Variants in PSMB6 observed in about 807,000 individuals in gnomAD.
The protein encoded by PSMB6 is proteasome 20S subunit beta 6.
In PSMB6, 11 loss-of-function variants were observed where a neutral mutation model predicts 28.2. That is an observed-to-expected ratio of 0.39 (90% CI 0.25 to 0.65). The LOEUF is 0.65. PSMB6 is among the 30% of genes least tolerant of loss of function. The probability of loss-of-function intolerance (pLI) is 0.48; values close to 1 mark genes in which losing one functional copy is unlikely to be tolerated. For missense variants in PSMB6, 268 were observed against 319.4 expected, an observed-to-expected ratio of 0.84 and a Z score of 1.23; for synonymous variants, 126 against 117.7, an observed-to-expected ratio of 1.07 and a Z score of -0.45.
intron 2 of PSMB6, 145 bp from the exon 3 acceptor site, chr17:4,797,293 C>A: frequency 9.7e-7 from 1 of 1,027,932 alleles, no homozygotes; most frequent in Non-Finnish European, 1.4e-6. Context: ...CCAGCCTGGG[C>A]AACAGAGCGA....
intron 2 of PSMB6, chr17:4,797,151 T>C (rs12942695): frequency 0.088 from 38,696 of 437,464 alleles, 2,187 homozygotes; most frequent in East Asian, 0.25. Context: ...CCGTCTCTAC[T>C]AAAAAATACA....
rs182638722 is a variant in PSMB6 at position 4,797,452 on chromosome 17, A to G, written c.185A>G (p.Asn62Ser). 12 of 1,573,394 alleles carry G rather than the reference A, an allele frequency of 7.6e-6. No homozygotes were observed. The highest frequency in any genetic ancestry group is 1.4e-5 in the African/African-American group (1 of 73,908). ...SRTTTGSYIA[N>S]RVTDKLTPIH... The stretch of plus-strand genomic sequence containing the variant: ...CCATCCTGCAGGTCCTACATCGCCA[A>G]TCGAGTGACTGACAAGCTGACACCT... The change falls in exon 3 of 6, where the codon AAT becomes AGT. Residue 62 changes from asparagine (N) to serine (S), a missense_variant. Transcript: ENST00000270586.
chr17:4,796,657 C>T (rs753131631), intron 1 of PSMB6, 71 bp from the exon 2 acceptor site: 1 of 1,376,424 alleles, frequency 7.3e-7, no homozygotes, highest in Non-Finnish European at 1.0e-6. Flanking sequence ...ATTTTTGGAA[C>T]TAGGTAGAGA....
chr17:4,798,239 G>A lies in PSMB6; in HGVS notation c.578-41G>A, dbSNP rs367733996. 43 of 1,612,322 alleles carry A rather than the reference G, an allele frequency of 2.7e-5. No homozygotes were observed. In the Admixed American group the frequency reaches 3.2e-4, roughly 12 times the overall value. On this transcript the variant is annotated intron_variant, in intron 5 of 5. Coordinates refer to ENST00000270586, the MANE Select transcript of PSMB6 (RefSeq NM_002798.3). ...ATTCCTCATTCCTTGCAGTGATCCC[G>A]GCATCTGAATCTGAACCCAGCTTTC...
chr17:4,796,211 T>C lies in PSMB6; in HGVS notation c.17T>C (p.Leu6Pro). Residue 6 changes from leucine (L) to proline (P), a missense_variant, in exon 1 of 6, where the codon CTA becomes CCA. Coordinates refer to ENST00000270586, the MANE Select transcript of PSMB6 (RefSeq NM_002798.3). ...AGGAGAAAGATGGCGGCTACCTTAC[T>C]AGCTGCTCGGGGAGCCGGGCCAGCA... MAATLLAARGAGPAPA... is the reference protein window; with the variant it reads MAATLPAARGAGPAPA... 1.3e-6 allele frequency: 2 copies of C among 1,588,698 alleles called. No individual in the cohort carries two copies. The highest frequency in any genetic ancestry group is 1.1e-5 in the South Asian group (1 of 87,138).
Position 4,796,314 on chromosome 17 carries a change from G to A in PSMB6, c.102+18G>A. On this transcript the variant is annotated intron_variant, in intron 1 of 5. Transcript: ENST00000270586. ...CCACTGGGGTGAGGAAGGAATCGGG[G>A]TTCATAGGACGTGCACAAGGCCTGA... is the stretch of plus-strand genomic sequence containing the variant. 1 of 1,547,730 alleles carries A rather than the reference G, an allele frequency of 6.5e-7. No homozygotes were observed. Among genetic ancestry groups the A allele is most frequent in the Non-Finnish European group, 8.8e-7 (1 of 1,140,942 alleles).
chr17:4,796,608 A>G (rs765615497), intron 1 of PSMB6, 120 bp from the exon 2 acceptor site: 256 of 990,152 alleles, frequency 2.6e-4, no homozygotes, highest in Non-Finnish European at 3.7e-4. Context: ...TGAGGCCCCT[A>G]TAAGATTTGA....
intron 1 of PSMB6, 126 bp from the exon 2 acceptor site, chr17:4,796,602 G>C: frequency 7.6e-6 from 7 of 922,236 alleles, no homozygotes; most frequent in Non-Finnish European, 1.3e-5. Flanking sequence ...GGGTGCTGAG[G>C]CCCCTATAAG....
chr17:4,798,469 A>G lies in PSMB6; in HGVS notation c.*47A>G. On this transcript the variant is annotated 3_prime_UTR_variant, in exon 6 of 6. Coordinates refer to ENST00000270586, the MANE Select transcript of PSMB6 (RefSeq NM_002798.3). ...ATAAGAGATGCCCTGTACTGATGCA[A>G]AATTTAATAAAGTTTGTCACAGAGA... is the stretch of plus-strand genomic sequence containing the variant. The G allele has an allele frequency of 6.5e-7, 1 of 1,549,758 alleles. No homozygotes were observed. Among genetic ancestry groups the G allele is most frequent in the Non-Finnish European group, 8.7e-7 (1 of 1,147,376 alleles).
rs564022351 is a variant in PSMB6, at chr17:4,796,442, A to G, written c.102+146A>G. On this transcript the variant is annotated intron_variant, in intron 1 of 5. Coordinates refer to ENST00000270586, the MANE Select transcript of PSMB6 (RefSeq NM_002798.3). ...AGGAATGGGGAGAGGTACCCCGAAG[A>G]TGGTGGAGTGGTGCGGTAGCTTCGT... The G allele has an allele frequency of 1.7e-5, 13 of 756,712 alleles. No individual in the cohort carries two copies. In the East Asian group the frequency reaches 2.4e-4, roughly 14 times the overall value. The allele number at this position is 756,712 out of a possible 1,614,324, so 46.9% of individuals were successfully genotyped here.
rs776218041 is a variant in PSMB6, at chr17:4,797,488, G to A, written c.221G>A (p.Arg74His). ...GACAAGCTGACACCTATTCACGACC[G>A]CATTTTCTGCTGTCGCTCAGGCTCA... Reference protein sequence around the residue: ...VTDKLTPIHDRIFCCRSGSAA... With the variant: ...VTDKLTPIHDHIFCCRSGSAA... The change falls in exon 3 of 6, where the codon CGC becomes CAC. Residue 74 changes from arginine (R) to histidine (H), a missense_variant. By Grantham distance (29) the Arg-to-His change is conservative (BLOSUM62 0). Coordinates refer to ENST00000270586, the MANE Select transcript of PSMB6 (RefSeq NM_002798.3). 47 of 1,602,638 alleles carry A rather than the reference G, an allele frequency of 2.9e-5. No individual in the cohort carries two copies. Among genetic ancestry groups the A allele is most frequent in the African/African-American group, 4.0e-5 (3 of 74,608 alleles).
intron 1 of PSMB6, 123 bp downstream of exon 1, chr17:4,796,419 G>A: frequency 2.4e-6 from 2 of 840,502 alleles, no homozygotes; most frequent in Non-Finnish European, 3.8e-6. Context: ...TGTGCTCCAG[G>A]AATGGGGAGA....
rs564934107 is a variant in PSMB6, at chr17:4,796,678, G to T, written c.103-50G>T. The T allele has an allele frequency of 2.7e-6, 4 of 1,482,786 alleles. No individual in the cohort carries two copies. The Admixed American group carries it at 5.0e-5, about 19-fold the overall frequency. The allele number at this position is 1,482,786 out of a possible 1,614,324, so 91.9% of individuals were successfully genotyped here. A position where few individuals can be genotyped will look rare whatever the true frequency, so the allele number is the denominator to read the frequency against. ...GGAACTAGGTAGAGAGATCATTGAG[G>T]TTTGTGTCTGCTGGAGAATGTAGAC... On this transcript the variant is annotated intron_variant, in intron 1 of 5. Transcript: ENST00000270586.
At chr17:4,796,827 C>G (rs1234201557) in intron 2 of PSMB6, 32 bp downstream of exon 2, 2 of 1,541,684 alleles carry the variant, frequency 1.3e-6, no homozygotes, top group Non-Finnish European at 1.8e-6. Flanking sequence ...GAAAGGTCTT[C>G]CCATCTTCCT....
rs1161682393 is a variant in PSMB6, at chr17:4,797,689, C to G, written c.310C>G (p.Leu104Val). 2 of 1,614,040 alleles carry G rather than the reference C, an allele frequency of 1.2e-6. No individual in the cohort carries two copies. The highest frequency in any genetic ancestry group is 3.3e-5 in the Admixed American group (2 of 59,986). Residue 104 changes from leucine to valine, a missense_variant, in exon 4 of 6, where the codon CTG becomes GTG. Leu to Val is a conservative substitution (Grantham distance 32). Coordinates refer to ENST00000270586, the MANE Select transcript of PSMB6 (RefSeq NM_002798.3). Reference protein sequence around the residue: ...TYQLGFHSIELNEPPLVHTAA... With the variant: ...TYQLGFHSIEVNEPPLVHTAA... ...ACTTCCCTGACCCTCTAGCATTGAA[C>G]TGAATGAGCCTCCACTGGTCCACAC...
rs776039830 is a variant in PSMB6, at chr17:4,797,781, C to T, written c.402C>T (p.Ile134=). The stretch of plus-strand genomic sequence containing the variant: ...AAGACCTGATGGCGGGAATCATCAT[C>T]GCAGGCTGGGACCCTCAAGAAGGAG... ...YREDLMAGII[I]AGWDPQEGGQ... is the part of the protein sequence containing the mutation. The change falls in exon 4 of 6, where the codon ATC becomes ATT. Residue 134 remains isoleucine (I), a synonymous_variant. Coordinates refer to ENST00000270586, the MANE Select transcript of PSMB6 (RefSeq NM_002798.3). 11 of 1,614,120 alleles carry T rather than the reference C, an allele frequency of 6.8e-6. No individual in the cohort carries two copies. Among genetic ancestry groups the T allele is most frequent in the Middle Eastern group, 1.7e-4 (1 of 6,060 alleles).
intron 1 of PSMB6, 50 bp downstream of exon 1, chr17:4,796,346 G>C (rs1346802146): frequency 4.9e-6 from 7 of 1,420,054 alleles, no homozygotes; most frequent in Non-Finnish European, 6.8e-6. Flanking sequence ...CTGACGCGAT[G>C]GGAAGATAAA....
At position 4,798,018 on chromosome 17, in the gene PSMB6, G is replaced by C. The variant is rs756836433; in HGVS notation, c.442G>C (p.Val148Leu). The change falls in exon 5 of 6, where the codon GTG (valine) becomes CTG (leucine). Residue 148 changes from valine (V) to leucine (L), a missense_variant. Coordinates refer to ENST00000270586, the MANE Select transcript of PSMB6 (RefSeq NM_002798.3). ...TCCTTCTATCTGGCAGGTGTACTCA[G>C]TGCCTATGGGGGGTATGATGGTAAG... The part of the protein sequence containing the change: ...DPQEGGQVYS[V>L]PMGGMMVRQS... The C allele has an allele frequency of 6.2e-7, 1 of 1,614,210 alleles. No homozygotes were observed. Among genetic ancestry groups the C allele is most frequent in the Admixed American group, 1.7e-5 (1 of 60,008 alleles).
chr17:4,797,247 G>A (rs1905356677), intron 2 of PSMB6, 191 bp from the exon 3 acceptor site: 1 of 637,052 alleles, frequency 1.6e-6, no homozygotes, highest in Non-Finnish European at 2.5e-6. Context: ...CCCAGGAGGT[G>A]GATGTTGCAG....
Sources: gnomAD v4.1 joint callset for allele counts on GRCh38, gnomAD v4.1.1 for gene constraint, MANE v1.5 for transcripts, NCBI Gene and HGNC (gene_info 2026-07-23, HGNC 2026-07-21) for gene names.